Variants in PIK3C2G observed in about 807,000 individuals in gnomAD.
The protein encoded by PIK3C2G is phosphatidylinositol-4-phosphate 3-kinase catalytic subunit type 2 gamma.
A neutral mutation model predicts 181.1 loss-of-function variants in PIK3C2G; 168 were observed. That is an observed-to-expected ratio of 0.93 (90% CI 0.82 to 1.05). PIK3C2G has a LOEUF of 1.05. Ranked by LOEUF, PIK3C2G falls within the 50% of genes least tolerant of loss-of-function variation. The pLI is 0.00. For missense variants in PIK3C2G, 1,869 were observed against 1,732.8 expected, an observed-to-expected ratio of 1.08 and a Z score of -1.40; for synonymous variants, 573 against 592.2, an observed-to-expected ratio of 0.97 and a Z score of 0.47.
intron 18 of PIK3C2G, among the ~76,000 whole-genome samples, chr12:18,469,188 G>A (rs1382781973): frequency 6.6e-6 from 1 of 151,972 alleles, no homozygotes; most frequent in Non-Finnish European, 1.5e-5. Flanking sequence ...AGTGTGACTG[G>A]CAGCTCCTCT....
At chr12:18,583,038 G>C (rs910546553) in intron 29 of PIK3C2G, among the ~76,000 whole-genome samples, 4 of 152,128 alleles carry the variant, frequency 2.6e-5, no homozygotes, top group Non-Finnish European at 1.5e-5. Flanking sequence ...GGCTGGAGCA[G>C]TCCCGTGGCA....
intron 29 of PIK3C2G, among the ~76,000 whole-genome samples, chr12:18,586,742 A>C (rs992938016): frequency 2.0e-5 from 3 of 152,248 alleles, no homozygotes; most frequent in Middle Eastern, 3.4e-3. Flanking sequence ...CTGATACCAA[A>C]GCCTGGCAGA....
chr12:18,361,005 G>A (rs920871288), intron 11 of PIK3C2G, among the ~76,000 whole-genome samples: 6 of 151,654 alleles, frequency 4.0e-5, no homozygotes, highest in East Asian at 1.9e-4. Context: ...ATCCCATAAC[G>A]ATACATTGAT....
chr12:18,428,137 G>A (rs530432150), intron 18 of PIK3C2G, among the ~76,000 whole-genome samples: 2 of 151,886 alleles, frequency 1.3e-5, no homozygotes, highest in African/African-American at 4.8e-5. Flanking sequence ...CAGGCAACAT[G>A]CACTAAGCAT....
In PIK3C2G at chr12:18,399,737, C is replaced by T. The variant is rs1944134620; in HGVS notation, c.2205C>T (p.Val735=). 1 of 1,606,338 alleles carries T rather than the reference C, an allele frequency of 6.2e-7. No homozygotes were observed. The highest frequency in any genetic ancestry group is 1.3e-5 in the African/African-American group (1 of 74,932). ...CNNENCSLPL[V]LGSAPGWDER... ...ATGAAAACTGCTCCCTTCCTTTAGT[C>T]CTGGGTAGTGCCCCTGGATGGGATG... Residue 735 remains valine, a synonymous_variant, in exon 16 of 33, where the codon GTC becomes GTT. Coordinates refer to ENST00000538779, the MANE Select transcript of PIK3C2G (RefSeq NM_001288772.2).
At chr12:18,602,506 T>C (rs1309267261) in intron 30 of PIK3C2G, among the ~76,000 whole-genome samples, 2 of 149,928 alleles carry the variant, frequency 1.3e-5, no homozygotes, top group Non-Finnish European at 3.0e-5. Flanking sequence ...CGCCCACTGC[T>C]GGTCCCCCTC....
chr12:18,303,293 T>C (rs944662458), intron 5 of PIK3C2G, among the ~76,000 whole-genome samples: 2 of 150,354 alleles, frequency 1.3e-5, no homozygotes, highest in Non-Finnish European at 3.0e-5. Flanking sequence ...CTTTCTTTCT[T>C]TCTTTCTCTT....
chr12:18,541,130 C>T (rs181055274), intron 25 of PIK3C2G, among the ~76,000 whole-genome samples: 117 of 152,052 alleles, frequency 7.7e-4, no homozygotes, highest in Non-Finnish European at 1.2e-3. Flanking sequence ...TACCATGACC[C>T]AGTTACAACT....
intron 24 of PIK3C2G, among the ~76,000 whole-genome samples, chr12:18,522,114 CA>C: frequency 6.6e-6 from 1 of 152,340 alleles, no homozygotes; most frequent in African/African-American, 2.4e-5. Context: ...CCTTAATTGC[CA>C]GTGCAGGATT....
At chr12:18,307,325 G>C (rs1176657233) in intron 5 of PIK3C2G, among the ~76,000 whole-genome samples, 1 of 151,492 alleles carries the variant, frequency 6.6e-6, no homozygotes, top group African/African-American at 2.4e-5. Flanking sequence ...TATGTGTAGA[G>C]AGAATAAATA....
chr12:18,627,037 C>T (rs1285100093), intron 31 of PIK3C2G, among the ~76,000 whole-genome samples: 1 of 151,582 alleles, frequency 6.6e-6, no homozygotes, highest in African/African-American at 2.4e-5. Flanking sequence ...GATGGTGTAC[C>T]AACATTCCCA....
chr12:18,413,498 A>C (rs1944990364), intron 16 of PIK3C2G, among the ~76,000 whole-genome samples: 1 of 152,144 alleles, frequency 6.6e-6, no homozygotes, highest in Non-Finnish European at 1.5e-5. Context: ...CCAAGAAATA[A>C]TGAAATTTTA....
chr12:18,585,004 G>A (rs185372534), intron 29 of PIK3C2G, among the ~76,000 whole-genome samples: 43 of 152,180 alleles, frequency 2.8e-4, no homozygotes, highest in East Asian at 7.7e-4. Flanking sequence ...GATGGAGTCC[G>A]CTACCACCAG....
the PIK3C2G span, among the ~76,000 whole-genome samples, chr12:18,672,495 A>G: frequency 6.6e-6 from 1 of 152,226 alleles, no homozygotes; most frequent in African/African-American, 2.4e-5. Flanking sequence ...TAAAACAACT[A>G]TATAAAAATA....
intron 25 of PIK3C2G, among the ~76,000 whole-genome samples, chr12:18,545,950 TGAA>T (rs2136272849): frequency 1.3e-5 from 2 of 152,002 alleles, no homozygotes; most frequent in Non-Finnish European, 2.9e-5. Flanking sequence ...AACGAGAAAA[TGAA>T]GACTCAGAGG....
Position 18,338,455 on chromosome 12 carries a change from T to TA in PIK3C2G, c.1309dup (p.Ile437AsnfsTer19). ...ACGTGTATAATATTATTGAAGAAGT[T>TA]AAAAAAATATGCAGTGTTCTAGGGT... On this transcript the variant is annotated frameshift_variant, in exon 9 of 33. Transcript: ENST00000538779. LOFTEE classifies it high-confidence loss of function. The TA allele has an allele frequency of 1.9e-6, 3 of 1,572,516 alleles. No homozygotes were observed. The highest frequency in any genetic ancestry group is 1.7e-4 in the Middle Eastern group (1 of 5,938).
chr12:18,548,979 G>A (rs186528647), intron 26 of PIK3C2G, among the ~76,000 whole-genome samples: 45 of 152,084 alleles, frequency 3.0e-4, no homozygotes, highest in Admixed American at 7.2e-4. Context: ...TGCATTGTCT[G>A]TTTAACTCGC....
At chr12:18,594,462 A>T in intron 29 of PIK3C2G, 32 bp from the exon 30 acceptor site, 1 of 1,357,080 alleles carries the variant, frequency 7.4e-7, no homozygotes, top group Non-Finnish European at 1.0e-6. Context: ...TATAAGAAAT[A>T]AAGAAATATT....
At chr12:18,397,246 T>C (rs1414592054) in intron 15 of PIK3C2G, among the ~76,000 whole-genome samples, 1 of 151,972 alleles carries the variant, frequency 6.6e-6, no homozygotes, top group East Asian at 1.9e-4. Flanking sequence ...AATGTTAAGA[T>C]AGGCAATGTT....
Sources: gnomAD v4.1 joint callset for allele counts (sites outside exome capture counted in the v4.1 genomes callset) on GRCh38, gnomAD v4.1.1 for gene constraint, MANE v1.5 for transcripts, NCBI Gene and HGNC (gene_info 2026-07-23, HGNC 2026-07-21) for gene names.